The following PRKCB variants were observed in gnomAD, a reference collection of about 807,000 sequenced individuals.
PRKCB encodes the protein protein kinase C beta type.
In PRKCB, 13 loss-of-function variants were observed where a neutral mutation model predicts 81.5. The ratio of observed to expected loss-of-function variants is 0.16; its 90% confidence interval spans 0.10 to 0.25. PRKCB has a LOEUF of 0.25. Ranked by LOEUF, PRKCB falls within the 10% of genes least tolerant of loss-of-function variation. The pLI, the probability that PRKCB is intolerant of heterozygous loss-of-function variation, is 1.00. For missense variants in PRKCB, 509 were observed against 875.7 expected (o/e 0.58, Z 5.29); for synonymous variants, 335 against 321.4 (o/e 1.04, Z -0.45).
At chr16:23,942,596 T>C (rs1191120822) in intron 2 of PRKCB, among the ~76,000 whole-genome samples, 1 of 152,236 alleles carries the variant, frequency 6.6e-6, no homozygotes, top group Admixed American at 6.5e-5. Flanking sequence ...TAAACTCCAC[T>C]TCTTTGAGCC....
intron 2 of PRKCB, among the ~76,000 whole-genome samples, chr16:23,940,764 A>G (rs1235052520): frequency 6.6e-6 from 1 of 152,140 alleles, no homozygotes; most frequent in Non-Finnish European, 1.5e-5. Flanking sequence ...ATAAGACGAG[A>G]TGTGCTATTA....
intron 2 of PRKCB, among the ~76,000 whole-genome samples, chr16:23,977,247 G>A (rs991130182): frequency 6.6e-6 from 1 of 152,170 alleles, no homozygotes; most frequent in Non-Finnish European, 1.5e-5. Context: ...TCTACATATG[G>A]AGATGGAACA....
chr16:24,214,779 T>C lies in PRKCB; in HGVS notation c.1985T>C (p.Val662Ala). 1 of 1,614,168 alleles carries C rather than the reference T, an allele frequency of 6.2e-7. No homozygotes were observed. Among genetic ancestry groups the C allele is most frequent in the African/African-American group, 1.3e-5 (1 of 75,044 alleles). The change falls in exon 17 of 17, where the codon GTT becomes GCT. Residue 662 changes from valine (V) to alanine (A), a missense_variant. This residue lies in a region of PRKCB where 104 missense variants were observed against 160.5 expected (regional missense o/e 0.65). Coordinates refer to ENST00000643927, the MANE Select transcript of PRKCB (RefSeq NM_002738.7). ...DQSEFEGFSFVNSEFLKPEVK... is the reference protein window; with the variant it reads ...DQSEFEGFSFANSEFLKPEVK... ...TCAGAATTCGAAGGATTTTCCTTTG[T>C]TAACTCTGAATTTTTAAAACCCGAA...
At chr16:24,058,234 C>T (rs1218019791) in intron 5 of PRKCB, among the ~76,000 whole-genome samples, 1 of 152,100 alleles carries the variant, frequency 6.6e-6, no homozygotes. Context: ...AGAAACCCCT[C>T]CCAGTCACTC....
chr16:24,074,490 A>G (rs1023646181), intron 5 of PRKCB, among the ~76,000 whole-genome samples: 2 of 152,260 alleles, frequency 1.3e-5, no homozygotes, highest in East Asian at 3.8e-4. Flanking sequence ...CAGTCCTTAG[A>G]ATAGTGCTTG....
chr16:23,924,563 T>C (rs113218222), intron 2 of PRKCB, among the ~76,000 whole-genome samples: 1 of 152,082 alleles, frequency 6.6e-6, no homozygotes, highest in African/African-American at 2.4e-5. Context: ...GTGACACATA[T>C]ATTAATTAAT....
chr16:24,150,891 T>C (rs1967070393), intron 9 of PRKCB, among the ~76,000 whole-genome samples: 1 of 152,190 alleles, frequency 6.6e-6, no homozygotes. Flanking sequence ...CCCGTTCTGT[T>C]TTCCGTTAAT....
chr16:24,115,767 C>G (rs1567380281), intron 8 of PRKCB, among the ~76,000 whole-genome samples: 1 of 152,092 alleles, frequency 6.6e-6, no homozygotes. Flanking sequence ...TCTCTGTCAC[C>G]CAGGCTGGAG....
chr16:23,878,490 C>T (rs1032500471), intron 2 of PRKCB, among the ~76,000 whole-genome samples: 10 of 152,138 alleles, frequency 6.6e-5, no homozygotes, highest in Non-Finnish European at 1.3e-4. Context: ...ACAGCAACGT[C>T]ACCCTCAAAA....
chr16:24,095,583 G>C (rs1966429158), intron 7 of PRKCB, among the ~76,000 whole-genome samples: 1 of 152,104 alleles, frequency 6.6e-6, no homozygotes, highest in South Asian at 2.1e-4. Context: ...CTGGGATAAA[G>C]GCTGATAATA....
intron 5 of PRKCB, among the ~76,000 whole-genome samples, chr16:24,047,725 G>C (rs779929982): frequency 6.6e-6 from 1 of 152,204 alleles, no homozygotes; most frequent in Non-Finnish European, 1.5e-5. Context: ...AGTGGGGAGA[G>C]GAAGGAGATG....
At chr16:23,973,434 C>G (rs771968299) in intron 2 of PRKCB, among the ~76,000 whole-genome samples, 6 of 152,076 alleles carry the variant, frequency 3.9e-5, no homozygotes, top group African/African-American at 7.2e-5. Context: ...TCACCTGCCT[C>G]GGCCTCTCAA....
At chr16:23,975,058 C>T (rs909270168) in intron 2 of PRKCB, among the ~76,000 whole-genome samples, 3 of 152,206 alleles carry the variant, frequency 2.0e-5, no homozygotes, top group African/African-American at 4.8e-5. Flanking sequence ...AAACAACATT[C>T]CAGCTACCAG....
In PRKCB at chr16:24,219,003, G is replaced by A. The variant is rs1968277235; in HGVS notation, c.*4187G>A. The stretch of plus-strand genomic sequence containing the variant: ...TCATATGTCATATATAGGAGGTGAG[G>A]ACTCCAGCTCCACCTGCCCCAGGTG... On this transcript the variant is annotated 3_prime_UTR_variant, in exon 17 of 17. Coordinates refer to ENST00000643927, the MANE Select transcript of PRKCB (RefSeq NM_002738.7). The A allele has an allele frequency of 4.1e-6, 4 of 985,340 alleles. No individual in the cohort carries two copies. The highest frequency in any genetic ancestry group is 4.8e-6 in the Non-Finnish European group (4 of 829,906). 61.0% of individuals were successfully genotyped at this position (985,340 alleles called of 1,614,324 possible).
At chr16:24,057,402 G>A (rs569363627) in intron 5 of PRKCB, among the ~76,000 whole-genome samples, 9 of 152,256 alleles carry the variant, frequency 5.9e-5, no homozygotes, top group Non-Finnish European at 2.9e-5. Context: ...GATTCTAAAC[G>A]CAGGCTGTTA....
chr16:23,861,699 A>G (rs555183076), intron 2 of PRKCB, among the ~76,000 whole-genome samples: 2 of 152,188 alleles, frequency 1.3e-5, no homozygotes, highest in Admixed American at 1.3e-4. Context: ...AGGACAAAGG[A>G]TTTGTGTTTA....
intron 9 of PRKCB, among the ~76,000 whole-genome samples, chr16:24,132,924 G>T (rs933013309): frequency 6.6e-6 from 1 of 152,122 alleles, no homozygotes; most frequent in African/African-American, 2.4e-5. Flanking sequence ...GGCATTACAG[G>T]CATGAGCCAC....
chr16:24,020,044 G>A (rs890617906), intron 3 of PRKCB, among the ~76,000 whole-genome samples: 1 of 152,206 alleles, frequency 6.6e-6, no homozygotes, highest in Non-Finnish European at 1.5e-5. Context: ...TTTTACAAAA[G>A]CATTTGTACT....
At position 23,939,960 on chromosome 16, in the gene PRKCB, G is replaced by A. The variant is rs554456540; in HGVS notation, c.206-48548G>A. Among the ~76,000 whole-genome samples, 17 of 152,146 alleles carry A rather than the reference G, an allele frequency of 1.1e-4. No homozygotes were observed. The South Asian group carries it at 2.7e-3, about 24-fold the overall frequency. ...TTTGCAAATCACTTATCTGACAAAG[G>A]ACTATTATCTAGGATACATAAAGAG... On this transcript the variant is annotated intron_variant, in intron 2 of 16. Transcript: ENST00000643927.
Sources: allele counts gnomAD v4.1 joint callset (sites outside exome capture counted in the v4.1 genomes callset), GRCh38; gene constraint gnomAD v4.1.1; regional missense constraint gnomAD v4.1.1; transcripts MANE v1.5; gene names NCBI Gene and HGNC (gene_info 2026-07-23, HGNC 2026-07-21).